Variants in TFDP2 observed in about 807,000 individuals in gnomAD.
TFDP2 encodes the protein transcription factor Dp-2.
A neutral mutation model predicts 59.3 loss-of-function variants in TFDP2; 17 were observed. The observed-to-expected ratio is 0.29, with a 90% CI of 0.20 to 0.43. The LOEUF (loss-of-function observed/expected upper bound fraction) is 0.43. Among genes scored for constraint, TFDP2 ranks in the 20% least tolerant of loss-of-function variants. The probability of loss-of-function intolerance (pLI) is 1.00; values close to 1 mark genes in which losing one functional copy is unlikely to be tolerated. For synonymous variants in TFDP2, 180 were observed against 194.7 expected (o/e 0.92, Z 0.63); for missense variants, 391 against 528.8 (o/e 0.74, Z 2.56).
intron 3 of TFDP2, among the ~76,000 whole-genome samples, chr3:142,008,682 C>CATATACATACATATACGTATGTACAT (rs572780597): frequency 1.5e-3 from 223 of 152,118 alleles, no homozygotes; most frequent in African/African-American, 5.0e-3. Context: ...AGGTTTCCTA[C>CATATACATACATATACGTATGTACAT]ATATACATAC....
In TFDP2 at chr3:142,061,907, C is replaced by CT. The variant is rs1267737910; in HGVS notation, c.82+31153_82+31154insA. 8.9e-3 allele frequency among the ~76,000 whole-genome samples: 1,270 copies of CT among 142,358 alleles called. 23 individuals carry two copies. The highest frequency in any genetic ancestry group is 0.032 in the African/African-American group (1,143 of 35,876). The allele number at this position is 142,358 out of a possible 152,430, so 93.4% of individuals were successfully genotyped here. ...CTCTCTCTACACACACACACACACACACACACACACACACACACACACACA... is the reference window on the plus strand; with the variant it reads ...CTCTCTCTACACACACACACACACACTACACACACACACACACACACACACA... On this transcript the variant is annotated intron_variant, in intron 3 of 12. Transcript: ENST00000489671.
At chr3:142,050,003 T>A (rs534043221) in intron 3 of TFDP2, among the ~76,000 whole-genome samples, 1 of 151,992 alleles carries the variant, frequency 6.6e-6, no homozygotes, top group Non-Finnish European at 1.5e-5. Flanking sequence ...GTGTGGTGGC[T>A]CACACCTGTA....
intron 3 of TFDP2, among the ~76,000 whole-genome samples, chr3:142,072,817 A>G (rs1324716596): frequency 6.6e-6 from 1 of 152,248 alleles, no homozygotes; most frequent in Admixed American, 6.5e-5. Context: ...GAATCAATAG[A>G]GGAGAAGGGA....
At chr3:142,050,698 TC>T (rs1267609349) in intron 3 of TFDP2, among the ~76,000 whole-genome samples, 2 of 149,692 alleles carry the variant, frequency 1.3e-5, no homozygotes, top group African/African-American at 2.5e-5. Context: ...AGACTCTGTC[TC>T]AAAAAAATAA....
At chr3:141,974,975 G>A (rs1284042477) in intron 7 of TFDP2, among the ~76,000 whole-genome samples, 6 of 142,556 alleles carry the variant, frequency 4.2e-5, no homozygotes, top group South Asian at 2.3e-4. Flanking sequence ...GTGCAGTGGC[G>A]CAATCTCAGC....
At chr3:142,107,235 CT>C (rs759364886) in intron 1 of TFDP2, among the ~76,000 whole-genome samples, 97 of 141,940 alleles carry the variant, frequency 6.8e-4, no homozygotes, top group South Asian at 2.7e-3. Context: ...TTTTTCTTTT[CT>C]TTTTTTTTTT....
chr3:142,021,769 C>G lies in TFDP2; in HGVS notation c.83-16225G>C, dbSNP rs187536763. 7.9e-4 allele frequency among the ~76,000 whole-genome samples: 120 copies of G among 152,290 alleles called. 1 individual carries two copies. Among genetic ancestry groups the G allele is most frequent in the Non-Finnish European group, 2.4e-4 (16 of 68,030 alleles). ...GCTTAAGCAAACTCCTCAATTCAAG[C>G]TCTGGTATCTGGAATATTATAATTG... On this transcript the variant is annotated intron_variant, in intron 3 of 12. Transcript: ENST00000489671.
chr3:142,136,905 G>GT (rs1363177365), intron 1 of TFDP2, among the ~76,000 whole-genome samples: 1 of 152,008 alleles, frequency 6.6e-6, no homozygotes. Flanking sequence ...CTTTTAAGTA[G>GT]TTTTTTCCAA....
intron 3 of TFDP2, among the ~76,000 whole-genome samples, chr3:142,063,628 T>C (rs2059986769): frequency 6.6e-6 from 1 of 152,168 alleles, no homozygotes; most frequent in Non-Finnish European, 1.5e-5. Context: ...TTAAAATTGG[T>C]AAAGGGTAAA....
At chr3:142,084,198 T>C (rs1420000122) in intron 3 of TFDP2, among the ~76,000 whole-genome samples, 1 of 152,078 alleles carries the variant, frequency 6.6e-6, no homozygotes, top group Non-Finnish European at 1.5e-5. Flanking sequence ...AAATAAGACA[T>C]ATAAATGGCA....
At chr3:141,954,193 T>G (rs1172126734) in intron 11 of TFDP2, among the ~76,000 whole-genome samples, 1 of 151,892 alleles carries the variant, frequency 6.6e-6, no homozygotes, top group Non-Finnish European at 1.5e-5. Context: ...AAGAAAATAT[T>G]TTGGATATCT....
intron 1 of TFDP2, among the ~76,000 whole-genome samples, chr3:142,106,752 A>C (rs1476870418): frequency 6.6e-6 from 1 of 152,186 alleles, no homozygotes; most frequent in Non-Finnish European, 1.5e-5. Flanking sequence ...CAATCTTTTG[A>C]CCTCGCCATC....
At chr3:142,141,241 C>T (rs144434476) in intron 1 of TFDP2, among the ~76,000 whole-genome samples, 32 of 152,338 alleles carry the variant, frequency 2.1e-4, no homozygotes, top group African/African-American at 7.0e-4. Flanking sequence ...AGTATTTGGA[C>T]GAGAGCGTCC....
At chr3:142,147,373 T>C (rs2108763970) in intron 1 of TFDP2, among the ~76,000 whole-genome samples, 1 of 152,292 alleles carries the variant, frequency 6.6e-6, no homozygotes, top group East Asian at 1.9e-4. Context: ...ATAACACATA[T>C]TGCAATAAGA....
intron 1 of TFDP2, among the ~76,000 whole-genome samples, chr3:142,138,252 G>T (rs1306064329): frequency 6.6e-6 from 1 of 152,030 alleles, no homozygotes; most frequent in Non-Finnish European, 1.5e-5. Context: ...GCATCTACTT[G>T]ATTCTTCTCT....
chr3:141,965,043 ACT>A (rs1292738303), intron 9 of TFDP2, among the ~76,000 whole-genome samples: 7 of 152,130 alleles, frequency 4.6e-5, no homozygotes, highest in Admixed American at 4.6e-4. Flanking sequence ...CAAGAGCAAA[ACT>A]CTGTCTGAGA....
intron 3 of TFDP2, among the ~76,000 whole-genome samples, chr3:142,066,947 C>G (rs892506156): frequency 6.6e-6 from 1 of 152,008 alleles, no homozygotes; most frequent in African/African-American, 2.4e-5. Context: ...TTAACAAAAT[C>G]CAAAAACCAT....
chr3:142,143,744 G>C (rs998274340), intron 1 of TFDP2, among the ~76,000 whole-genome samples: 10 of 152,154 alleles, frequency 6.6e-5, no homozygotes, highest in Non-Finnish European at 1.2e-4. Flanking sequence ...CCAAAAGACA[G>C]ACAGTAACAA....
intron 10 of TFDP2, among the ~76,000 whole-genome samples, chr3:141,962,074 G>A (rs192555574): frequency 2.0e-5 from 3 of 151,502 alleles, no homozygotes; most frequent in East Asian, 2.0e-4. Context: ...TCAGCCTCCC[G>A]AGTAGCTGGG....
Sources: allele counts gnomAD v4.1 joint callset (sites outside exome capture counted in the v4.1 genomes callset), GRCh38; gene constraint gnomAD v4.1.1; transcripts MANE v1.5; gene names NCBI Gene and HGNC (gene_info 2026-07-23, HGNC 2026-07-21).